The following MARCHF11 variants were observed in gnomAD, a reference collection of about 807,000 sequenced individuals.
MARCHF11 encodes membrane associated ring-CH-type finger 11, also known as E3 ubiquitin-protein ligase MARCHF11.
A neutral mutation model predicts 37.3 loss-of-function variants in MARCHF11; 29 were observed. The observed-to-expected ratio is 0.78, with a 90% confidence interval of 0.58 to 1.06. The LOEUF (loss-of-function observed/expected upper bound fraction) is 1.06. MARCHF11 is among the 50% of genes least tolerant of loss of function. The probability of loss-of-function intolerance (pLI) is 0.00; values close to 1 mark genes in which losing one functional copy is unlikely to be tolerated. For missense variants in MARCHF11, 482 were observed against 533.4 expected (o/e 0.90, Z 0.95); for synonymous variants, 233 against 228.0 (o/e 1.02, Z -0.20).
intron 2 of MARCHF11, among the ~76,000 whole-genome samples, chr5:16,147,600 G>C (rs1304988394): frequency 1.3e-5 from 2 of 152,120 alleles, no homozygotes; most frequent in Non-Finnish European, 2.9e-5. Flanking sequence ...TATGAGTAAA[G>C]AGGCTTGGTC....
At position 16,150,086 on chromosome 5, in the gene MARCHF11, G is replaced by A. The variant is rs1737867108; in HGVS notation, c.693+27640C>T. 1.3e-5 allele frequency among the ~76,000 whole-genome samples: 2 copies of A among 149,320 alleles called. 1 individual carries two copies. The highest frequency in any genetic ancestry group is 5.1e-5 in the African/African-American group (2 of 38,860). ...CTGAAACTTCCTCTGTCTTGATCTG[G>A]GTGGTGGTGACACAGGTGTACATGT... On this transcript the variant is annotated intron_variant, in intron 2 of 3. Coordinates refer to ENST00000332432, the MANE Select transcript of MARCHF11 (RefSeq NM_001102562.3).
At chr5:16,155,402 C>A (rs1445589600) in intron 2 of MARCHF11, among the ~76,000 whole-genome samples, 1 of 151,446 alleles carries the variant, frequency 6.6e-6, no homozygotes, top group Non-Finnish European at 1.5e-5. Flanking sequence ...CATTTTTACC[C>A]TATTGGTATC....
At chr5:16,160,793 C>G (rs551033648) in intron 2 of MARCHF11, among the ~76,000 whole-genome samples, 3 of 151,830 alleles carry the variant, frequency 2.0e-5, no homozygotes, top group South Asian at 2.1e-4. Flanking sequence ...GTAAATGGAA[C>G]CTGGGTCGAA....
At chr5:16,153,052 C>T (rs191244036) in intron 2 of MARCHF11, among the ~76,000 whole-genome samples, 3 of 152,048 alleles carry the variant, frequency 2.0e-5, no homozygotes, top group Non-Finnish European at 4.4e-5. Context: ...GGCACTGATC[C>T]TACCCTCTGC....
chr5:16,125,420 A>G lies in MARCHF11; in HGVS notation c.694-34339T>C, dbSNP rs140795264. Among the ~76,000 whole-genome samples, 1,179 of 152,308 alleles carry G rather than the reference A, an allele frequency of 7.7e-3. 12 individuals are homozygous for G. The highest frequency in any genetic ancestry group is 0.013 in the Non-Finnish European group (905 of 68,022). On this transcript the variant is annotated intron_variant, in intron 2 of 3. Transcript: ENST00000332432. ...ATTATCCTGGAACTCTCTATGCGAT[A>G]AAGAGTCCCCAAAATGGCCCCCTGC...
intron 2 of MARCHF11, among the ~76,000 whole-genome samples, chr5:16,097,417 A>T (rs1736889568): frequency 6.6e-6 from 1 of 152,216 alleles, no homozygotes; most frequent in South Asian, 2.1e-4. Context: ...GCTTTGCCTA[A>T]GAAAGAGGAA....
At chr5:16,121,792 C>T (rs1202519657) in intron 2 of MARCHF11, among the ~76,000 whole-genome samples, 3 of 152,232 alleles carry the variant, frequency 2.0e-5, no homozygotes, top group East Asian at 3.9e-4. Flanking sequence ...ATAAGCTTAC[C>T]TCTCCTGAAG....
intron 2 of MARCHF11, among the ~76,000 whole-genome samples, chr5:16,169,784 A>T (rs1738228633): frequency 6.6e-6 from 1 of 152,096 alleles, no homozygotes. Context: ...ATTTACTTGT[A>T]ATTGCAGGTG....
intron 2 of MARCHF11, among the ~76,000 whole-genome samples, chr5:16,177,052 G>A (rs1188628422): frequency 6.6e-6 from 1 of 152,108 alleles, no homozygotes; most frequent in African/African-American, 2.4e-5. Flanking sequence ...GGCATTTGTA[G>A]ATTTATGTGT....
intron 2 of MARCHF11, among the ~76,000 whole-genome samples, chr5:16,150,612 G>C (rs2591983): frequency 0.043 from 5,920 of 137,186 alleles, 228 homozygotes; most frequent in Non-Finnish European, 0.064. Context: ...TCCGGTATTA[G>C]TTACTCTCCT....
At chr5:16,081,430 CAT>C (rs112280344) in intron 3 of MARCHF11, among the ~76,000 whole-genome samples, 2,043 of 152,308 alleles carry the variant, frequency 0.013, 35 homozygotes, top group African/African-American at 0.042. Flanking sequence ...ACAATTTCCA[CAT>C]GTCATGAAAT....
intron 2 of MARCHF11, among the ~76,000 whole-genome samples, chr5:16,099,039 T>A (rs1736914700): frequency 1.3e-5 from 2 of 152,314 alleles, no homozygotes; most frequent in South Asian, 4.1e-4. Flanking sequence ...ACTCTTTTGA[T>A]GTACACACTC....
At chr5:16,164,767 G>T (rs761555555) in intron 2 of MARCHF11, among the ~76,000 whole-genome samples, 1 of 151,938 alleles carries the variant, frequency 6.6e-6, no homozygotes, top group Non-Finnish European at 1.5e-5. Flanking sequence ...TACTTTAAAG[G>T]CATCTTTCAA....
At chr5:16,125,165 G>A (rs930105609) in intron 2 of MARCHF11, among the ~76,000 whole-genome samples, 1 of 151,308 alleles carries the variant, frequency 6.6e-6, no homozygotes, top group Non-Finnish European at 1.5e-5. Context: ...CAACTCAATA[G>A]CCCCCCGATA....
At chr5:16,090,118 T>A (rs554866155) in intron 3 of MARCHF11, among the ~76,000 whole-genome samples, 7 of 152,048 alleles carry the variant, frequency 4.6e-5, no homozygotes, top group Non-Finnish European at 8.8e-5. Flanking sequence ...AGGAAAATGC[T>A]CCCAATGCCG....
chr5:16,072,119 A>G (rs751584753), intron 3 of MARCHF11, among the ~76,000 whole-genome samples: 15 of 152,114 alleles, frequency 9.9e-5, no homozygotes, highest in Non-Finnish European at 1.8e-4. Context: ...AACAGGTACT[A>G]GTTTTAAACA....
At chr5:16,160,570 AT>A (rs1428314182) in intron 2 of MARCHF11, among the ~76,000 whole-genome samples, 2 of 151,484 alleles carry the variant, frequency 1.3e-5, no homozygotes, top group Non-Finnish European at 3.0e-5. Context: ...TGGATTTAAT[AT>A]TATGCCTGAG....
chr5:16,108,811 A>G lies in MARCHF11; in HGVS notation c.694-17730T>C, dbSNP rs78137561. ...ACCTGAGGATGTTGTGCTCCAGGGT[A>G]TTTTTCTCCTGCAGCCACAGAAGCA... On this transcript the variant is annotated intron_variant, in intron 2 of 3. Coordinates refer to ENST00000332432, the MANE Select transcript of MARCHF11 (RefSeq NM_001102562.3). 5.2e-3 allele frequency among the ~76,000 whole-genome samples: 789 copies of G among 152,200 alleles called. 5 individuals carry two copies. The highest frequency in any genetic ancestry group is 7.6e-3 in the Non-Finnish European group (515 of 68,008).
intron 2 of MARCHF11, among the ~76,000 whole-genome samples, chr5:16,117,390 T>G (rs1737240696): frequency 6.6e-6 from 1 of 152,242 alleles, no homozygotes; most frequent in East Asian, 1.9e-4. Context: ...TGGTGCAAAC[T>G]TTTCTTCAAT....
Sources: allele counts gnomAD v4.1 joint callset (sites outside exome capture counted in the v4.1 genomes callset), GRCh38; gene constraint gnomAD v4.1.1; transcripts MANE v1.5; gene names NCBI Gene and HGNC (gene_info 2026-07-23, HGNC 2026-07-21).